NTRK2: variants seen among roughly 807,000 people sequenced by gnomAD.
NTRK2 encodes the protein neurotrophic receptor tyrosine kinase 2, also known as BDNF/NT-3 growth factors receptor.
NTRK2 carries 13 observed loss-of-function variants against 94.5 expected under a neutral mutation model. The observed-to-expected ratio is 0.14, with a 90% CI of 0.09 to 0.22. The LOEUF is 0.22. Ranked by LOEUF, NTRK2 falls within the 10% of genes least tolerant of loss-of-function variation. The pLI, the probability that NTRK2 is intolerant of heterozygous loss-of-function variation, is 1.00. For synonymous variants in NTRK2, 372 were observed against 407.4 expected (o/e 0.91, Z 1.05); for missense variants, 639 against 1,071.2 (o/e 0.60, Z 5.63).
At chr9:84,859,364 G>GTGAGA (rs1196479839) in intron 12 of NTRK2, among the ~76,000 whole-genome samples, 4 of 152,194 alleles carry the variant, frequency 2.6e-5, no homozygotes, top group Admixed American at 2.6e-4. Context: ...GTTGGTGAAA[G>GTGAGA]TGAGACCTGG....
At chr9:84,955,538 G>C (rs2132980734) in intron 17 of NTRK2, 21 bp downstream of exon 17, 1 of 1,594,186 alleles carries the variant, frequency 6.3e-7, no homozygotes, top group Non-Finnish European at 8.6e-7. Flanking sequence ...GTGCAGATCA[G>C]AGACCCCAGG....
chr9:84,981,966 A>G (rs1827680891), intron 17 of NTRK2, among the ~76,000 whole-genome samples: 1 of 152,210 alleles, frequency 6.6e-6, no homozygotes, highest in Non-Finnish European at 1.5e-5. Flanking sequence ...AGAACTAACC[A>G]AGGGATTTAA....
intron 17 of NTRK2, among the ~76,000 whole-genome samples, chr9:85,005,738 C>T (rs1830893575): frequency 1.3e-5 from 2 of 152,170 alleles, no homozygotes; most frequent in Non-Finnish European, 2.9e-5. Flanking sequence ...AATGTAACCT[C>T]TTCCCAATGT....
chr9:84,950,582 G>T (rs1277094158), intron 16 of NTRK2, among the ~76,000 whole-genome samples: 4 of 102,030 alleles, frequency 3.9e-5, no homozygotes, highest in Non-Finnish European at 6.3e-5. Context: ...TTTTATCTGG[G>T]TCTAATATGT....
chr9:84,875,475 T>A, intron 14 of NTRK2: 1 of 1,062,932 alleles, frequency 9.4e-7, no homozygotes. Flanking sequence ...TCACTCCAGA[T>A]AACTCCAAAT....
Position 84,737,921 on chromosome 9 carries a change from C to A in NTRK2, c.1160-3971C>A, listed in dbSNP as rs181745812. ...GAACAAAGTAAAGGTGAGTATGGCA[C>A]CTTAGGATGCTCAACACGTTCTTCA... On this transcript the variant is annotated intron_variant, in intron 9 of 18. Coordinates refer to ENST00000277120, the MANE Select transcript of NTRK2 (RefSeq NM_006180.6). Among the ~76,000 whole-genome samples the A allele has an allele frequency of 3.8e-4, 57 of 151,492 alleles. 4 individuals are homozygous for A. Among genetic ancestry groups the A allele is most frequent in the African/African-American group, 1.3e-3 (53 of 40,856 alleles).
At chr9:84,681,319 C>G (rs911240705) in intron 2 of NTRK2, among the ~76,000 whole-genome samples, 1 of 152,194 alleles carries the variant, frequency 6.6e-6, no homozygotes, top group Non-Finnish European at 1.5e-5. Context: ...CTCAGTAATA[C>G]AAGCCACAAA....
chr9:84,695,764 A>G (rs2060339168), intron 2 of NTRK2, among the ~76,000 whole-genome samples: 1 of 152,234 alleles, frequency 6.6e-6, no homozygotes, highest in South Asian at 2.1e-4. Context: ...AAACAAATAT[A>G]TATTTCCAAT....
intron 14 of NTRK2, among the ~76,000 whole-genome samples, chr9:84,913,129 G>A (rs1444413247): frequency 1.3e-5 from 2 of 151,778 alleles, no homozygotes; most frequent in African/African-American, 2.4e-5. Flanking sequence ...TTTCTCTTTT[G>A]TCTTCTTCCT....
At position 84,934,199 on chromosome 9, in the gene NTRK2, A is replaced by G. The variant is rs1369438981; in HGVS notation, c.1671A>G (p.Lys557=). ...TCAAGCGACATAACATTGTTCTGAA[A>G]AGGGAGCTAGGCGAAGGAGCCTTTG... is the stretch of plus-strand genomic sequence containing the variant. ...QHIKRHNIVL[K]RELGEGAFGK... Residue 557 remains lysine, a synonymous_variant, in exon 15 of 19, where the codon AAA becomes AAG. Transcript: ENST00000277120. The G allele has an allele frequency of 1.2e-6, 2 of 1,613,914 alleles. No individual in the cohort carries two copies. Among genetic ancestry groups the G allele is most frequent in the African/African-American group, 2.7e-5 (2 of 74,908 alleles).
intron 14 of NTRK2, chr9:84,876,783 G>A: frequency 9.4e-7 from 1 of 1,061,530 alleles, no homozygotes; most frequent in Non-Finnish European, 1.1e-6. Flanking sequence ...GTAGCTGCTT[G>A]AGCCTTATTT....
chr9:84,939,858 T>C (rs953283747), intron 15 of NTRK2, among the ~76,000 whole-genome samples: 2 of 152,142 alleles, frequency 1.3e-5, no homozygotes, highest in African/African-American at 4.8e-5. Context: ...CCCTTGGCTC[T>C]GCTTCCCTCT....
chr9:84,752,664 T>G (rs1431343928), intron 12 of NTRK2, among the ~76,000 whole-genome samples: 1 of 152,224 alleles, frequency 6.6e-6, no homozygotes, highest in African/African-American at 2.4e-5. Flanking sequence ...AGGCACTAAT[T>G]GACCCAAAAT....
Position 84,724,245 on chromosome 9 carries a change from G to A in NTRK2, c.742G>A (p.Gly248Ser), listed in dbSNP as rs2062284558. ...GTAGAATGAAACAAGCCACACACAG[G>A]GCTCCTTAAGGATAACTAACATTTC... ...KHMNETSHTQ[G>S]SLRITNISSD... The change falls in exon 8 of 19, where the codon GGC becomes AGC. Residue 248 changes from glycine to serine, a missense_variant. Gly to Ser is a moderately conservative substitution (Grantham distance 56). Around this residue, in one of 5 missense-constraint regions of NTRK2, gnomAD observed 343 missense variants for 571.5 expected, o/e 0.60. Transcript: ENST00000277120. 1.2e-6 allele frequency: 2 copies of A among 1,614,030 alleles called. No individual in the cohort carries two copies. Among genetic ancestry groups the A allele is most frequent in the Non-Finnish European group, 8.5e-7 (1 of 1,179,966 alleles).
In NTRK2 at chr9:84,751,968, C is replaced by A; in HGVS notation, c.1297-18C>A. The A allele has an allele frequency of 1.2e-6, 2 of 1,607,476 alleles. No homozygotes were observed. Among genetic ancestry groups the A allele is most frequent in the Non-Finnish European group, 1.7e-6 (2 of 1,174,012 alleles). ...ACTAATTAGCAAGGTTATAACCACC[C>A]TCCCTTCCTTTCTCTAGGTCTATGC... On this transcript the variant is annotated intron_variant, in intron 11 of 18. Transcript: ENST00000277120.
In NTRK2 at chr9:85,023,685, G is replaced by T. The variant is rs966474353; in HGVS notation, c.*2248G>T. ...TATATATACATACATGTGCATGTATGTATCATATTAAGGACCCATGGTACT... is the reference window on the plus strand; with the variant it reads ...TATATATACATACATGTGCATGTATTTATCATATTAAGGACCCATGGTACT... On this transcript the variant is annotated 3_prime_UTR_variant, in exon 19 of 19. Coordinates refer to ENST00000277120, the MANE Select transcript of NTRK2 (RefSeq NM_006180.6). The T allele has an allele frequency of 1.3e-5, 3 of 227,502 alleles. No individual in the cohort carries two copies. Among genetic ancestry groups the T allele is most frequent in the Non-Finnish European group, 2.6e-5 (3 of 114,538 alleles). The allele number at this position is 227,502 out of a possible 1,614,324, so 14.1% of individuals were successfully genotyped here.
At chr9:85,016,973 C>T (rs1207095456) in intron 17 of NTRK2, among the ~76,000 whole-genome samples, 1 of 152,180 alleles carries the variant, frequency 6.6e-6, no homozygotes, top group Non-Finnish European at 1.5e-5. Flanking sequence ...CTTTTGTTCT[C>T]TCTCTCTTCT....
chr9:84,853,415 A>T (rs1030116183), intron 12 of NTRK2, among the ~76,000 whole-genome samples: 7 of 152,160 alleles, frequency 4.6e-5, no homozygotes, highest in African/African-American at 1.7e-4. Context: ...GGAGTGCTGG[A>T]TTCTAAGAAT....
At position 84,724,081 on chromosome 9, in the gene NTRK2, T is replaced by C. The variant is rs913305195; in HGVS notation, c.721-143T>C. The C allele has an allele frequency of 1.4e-5, 12 of 849,056 alleles. No individual in the cohort carries two copies. In the Admixed American group the frequency reaches 2.7e-4, roughly 19 times the overall value. 52.6% of individuals were successfully genotyped at this position (849,056 alleles called of 1,614,324 possible). A position where few individuals can be genotyped will look rare whatever the true frequency, so the allele number is the denominator to read the frequency against. Reference sequence around the variant, plus strand: ...AATAGAATAACTTCTGATTTACTTCTTCGCCTGAGCCCAGTTCAGGCAGAG... The same window carrying C: ...AATAGAATAACTTCTGATTTACTTCCTCGCCTGAGCCCAGTTCAGGCAGAG... On this transcript the variant is annotated intron_variant, in intron 7 of 18. Transcript: ENST00000277120.
Sources: gnomAD v4.1 joint callset for allele counts (sites outside exome capture counted in the v4.1 genomes callset) on GRCh38, gnomAD v4.1.1 for gene constraint, gnomAD v4.1.1 regional missense constraint, MANE v1.5 for transcripts, NCBI Gene and HGNC (gene_info 2026-07-23, HGNC 2026-07-21) for gene names.